The following NFIX variants were observed in gnomAD, a reference collection of about 807,000 sequenced individuals.
NFIX encodes nuclear factor 1 X-type.
Under a neutral mutation model 53.3 loss-of-function variants are expected in NFIX, and 2 were observed. The observed-to-expected ratio is 0.04, with a 90% CI of 0.02 to 0.12. The LOEUF (loss-of-function observed/expected upper bound fraction) is 0.12. Ranked by LOEUF, NFIX falls within the 10% of genes least tolerant of loss-of-function variation. NFIX has a pLI of 1.00. For synonymous variants in NFIX, 244 were observed against 289.0 expected, an observed-to-expected ratio of 0.84 and a Z score of 1.58; for missense variants, 310 against 674.5, an observed-to-expected ratio of 0.46 and a Z score of 5.99.
rs2018334898 is a variant in NFIX at position 13,094,701 on chromosome 19, G to A, written c.*52G>A. On this transcript the variant is annotated 3_prime_UTR_variant, in exon 11 of 11. Coordinates refer to ENST00000592199, the MANE Select transcript of NFIX (RefSeq NM_001365902.3). The surrounding 1 kb of genome is among the most constrained non-coding windows in gnomAD (Gnocchi z 4.3). ...TGAGAAGAAGAGGTTCCTCGAAAGG[G>A]GGGAGAAGAAATTTTGAGAATGGAA... 2.6e-6 allele frequency: 4 copies of A among 1,521,386 alleles called. No homozygotes were observed. The South Asian group carries it at 4.8e-5, about 18-fold the overall frequency. 94.2% of individuals were successfully genotyped at this position (1,521,386 alleles called of 1,614,324 possible).
In NFIX at chr19:13,060,077, C is replaced by T. The variant is rs1002743001; in HGVS notation, c.560-12970C>T. On this transcript the variant is annotated intron_variant, in intron 2 of 10. Transcript: ENST00000592199. The surrounding 1 kb of genome is among the most constrained non-coding windows in gnomAD (Gnocchi z 4.3). ...TGCTGAGATTACAGGCATGAGCCACCGCACCCGGCCAAGAGGAACGCTTTT... is the reference window on the plus strand; with the variant it reads ...TGCTGAGATTACAGGCATGAGCCACTGCACCCGGCCAAGAGGAACGCTTTT... Among the ~76,000 whole-genome samples the T allele has an allele frequency of 1.3e-5, 2 of 152,188 alleles. No homozygotes were observed. Among genetic ancestry groups the T allele is most frequent in the African/African-American group, 4.8e-5 (2 of 41,450 alleles).
intron 2 of NFIX, among the ~76,000 whole-genome samples, chr19:13,056,785 T>C (rs1006219765): frequency 3.3e-5 from 5 of 152,172 alleles, no homozygotes; most frequent in Admixed American, 1.3e-4. Flanking sequence ...TGTTCAAAAA[T>C]TAAGAATTTC....
chr19:13,001,260 G>C lies in NFIX; in HGVS notation c.27+5396G>C, dbSNP rs2011676261. ...GCCTCAGAGCCACCATTTTCCCGAG[G>C]ATGTCTGTGTGGCAGCGTGTGTCTG... On this transcript the variant is annotated intron_variant, in intron 1 of 10. Transcript: ENST00000592199. The surrounding 1 kb of genome is among the most constrained non-coding windows in gnomAD (Gnocchi z 6.5). Among the ~76,000 whole-genome samples, 1 of 152,186 alleles carries C rather than the reference G, an allele frequency of 6.6e-6. No homozygotes were observed. Among genetic ancestry groups the C allele is most frequent in the Non-Finnish European group, 1.5e-5 (1 of 68,040 alleles).
Position 13,081,597 on chromosome 19 carries a change from G to T in NFIX, c.1079-83G>T. 2 of 1,440,936 alleles carry T rather than the reference G, an allele frequency of 1.4e-6. No homozygotes were observed. The highest frequency in any genetic ancestry group is 2.4e-5 in the East Asian group (1 of 41,288). 89.3% of individuals were successfully genotyped at this position (1,440,936 alleles called of 1,614,324 possible). A position where few individuals can be genotyped will look rare whatever the true frequency, so the allele number is the denominator to read the frequency against. Reference sequence around the variant, plus strand: ...TCAGGATCCTCAGGACCCTCTGACCGGCAGCTCCCCTCCTCTCCTGTCCCT... The same window carrying T: ...TCAGGATCCTCAGGACCCTCTGACCTGCAGCTCCCCTCCTCTCCTGTCCCT... On this transcript the variant is annotated intron_variant, in intron 7 of 10. Coordinates refer to ENST00000592199, the MANE Select transcript of NFIX (RefSeq NM_001365902.3). This position sits in a 1 kb window ranked among gnomAD's most constrained non-coding sequence, Gnocchi z 4.7.
rs2017233444 is a variant in NFIX at position 13,078,284 on chromosome 19, C to CCA, written c.956-327_956-326dup. Among the ~76,000 whole-genome samples the CCA allele has an allele frequency of 1.3e-5, 2 of 152,222 alleles. No individual in the cohort carries two copies. Among genetic ancestry groups the CCA allele is most frequent in the South Asian group, 4.1e-4 (2 of 4,832 alleles). Reference sequence around the variant, plus strand: ...CCTTTCCCAATGTTGGTCCTGCATCCCACCCTTTCACTTCATTACCTGCTT... The same window carrying CCA: ...CCTTTCCCAATGTTGGTCCTGCATCCCACACCCTTTCACTTCATTACCTGCTT... On this transcript the variant is annotated intron_variant, in intron 6 of 10. Transcript: ENST00000592199. The surrounding 1 kb of genome is among the most constrained non-coding windows in gnomAD (Gnocchi z 4.7).
intron 8 of NFIX, chr19:13,082,210 T>C (rs1460258346): frequency 7.4e-6 from 2 of 270,366 alleles, no homozygotes; most frequent in Non-Finnish European, 1.4e-5. Flanking sequence ...ACCTCGGGGC[T>C]GCAAGGATTT....
At chr19:13,091,400 C>CAA (rs57370192) in intron 10 of NFIX, among the ~76,000 whole-genome samples, 1,775 of 57,114 alleles carry the variant, frequency 0.031, 58 homozygotes, top group African/African-American at 0.074. Context: ...TTCCTTCCCT[C>CAA]AAAAAAAAAA....
chr19:13,034,127 G>A lies in NFIX; in HGVS notation c.559+8575G>A, dbSNP rs146649966. ...ATCGCTGCTCCTTGAACTTCATCAGGATTACTGGCTTTGGCAGAGTCTCAG... is the reference window on the plus strand; with the variant it reads ...ATCGCTGCTCCTTGAACTTCATCAGAATTACTGGCTTTGGCAGAGTCTCAG... On this transcript the variant is annotated intron_variant, in intron 2 of 10. Transcript: ENST00000592199. 1.5e-3 allele frequency among the ~76,000 whole-genome samples: 228 copies of A among 152,344 alleles called. 1 individual carries two copies. The highest frequency in any genetic ancestry group is 6.8e-3 in the Middle Eastern group (2 of 294).
chr19:13,028,199 A>G lies in NFIX; in HGVS notation c.559+2647A>G, dbSNP rs556717466. On this transcript the variant is annotated intron_variant, in intron 2 of 10. Coordinates refer to ENST00000592199, the MANE Select transcript of NFIX (RefSeq NM_001365902.3). This position sits in a 1 kb window ranked among gnomAD's most constrained non-coding sequence, Gnocchi z 4.2. Reference sequence around the variant, plus strand: ...TGTGGGCACCACTTTCTCCATGCCCATGCCTGCCAGGCACACTCAGCAGAG... The same window carrying G: ...TGTGGGCACCACTTTCTCCATGCCCGTGCCTGCCAGGCACACTCAGCAGAG... Among the ~76,000 whole-genome samples, 20 of 152,356 alleles carry G rather than the reference A, an allele frequency of 1.3e-4. No individual in the cohort carries two copies. In the East Asian group the frequency reaches 3.9e-3, roughly 29 times the overall value.
At position 13,036,307 on chromosome 19, in the gene NFIX, T is replaced by C. The variant is rs967340228; in HGVS notation, c.559+10755T>C. Among the ~76,000 whole-genome samples, 1 of 152,250 alleles carries C rather than the reference T, an allele frequency of 6.6e-6. No individual in the cohort carries two copies. Among genetic ancestry groups the C allele is most frequent in the Non-Finnish European group, 1.5e-5 (1 of 68,042 alleles). ...AAGCGTCAGTCATGCTTCCAGGATT[T>C]ATTTCATCATAATTGTTTGTTTTGG... is the stretch of plus-strand genomic sequence containing the variant. On this transcript the variant is annotated intron_variant, in intron 2 of 10. Coordinates refer to ENST00000592199, the MANE Select transcript of NFIX (RefSeq NM_001365902.3). This position sits in a 1 kb window ranked among gnomAD's most constrained non-coding sequence, Gnocchi z 4.7.
intron 1 of NFIX, among the ~76,000 whole-genome samples, chr19:12,997,661 C>G (rs1027590492): frequency 2.0e-5 from 3 of 152,342 alleles, no homozygotes; most frequent in Non-Finnish European, 4.4e-5. Context: ...CTCAAGCAGC[C>G]CCTTGCCCAC....
intron 1 of NFIX, chr19:13,024,725 T>C (rs1209668187): frequency 6.5e-7 from 1 of 1,534,430 alleles, no homozygotes; most frequent in African/African-American, 1.4e-5. Context: ...TGTGTGTGAG[T>C]GAGTGAGGGA....
chr19:13,023,941 CCCCCCTCCCCCCACCCG>C, intron 1 of NFIX: 2 of 400,114 alleles, frequency 5.0e-6, no homozygotes, highest in African/African-American at 2.3e-5. Flanking sequence ...TCCTCCTCCT[CCCCCCTCCCCCCACCCG>C]CCCCCAACTC....
chr19:13,064,476 T>C (rs969344725), intron 2 of NFIX, among the ~76,000 whole-genome samples: 4 of 152,220 alleles, frequency 2.6e-5, no homozygotes, highest in Admixed American at 2.6e-4. Context: ...CCCCTGTTTC[T>C]AGTATGGTGA....
chr19:13,088,057 A>T lies in NFIX; in HGVS notation c.1323A>T (p.Arg441Ser). The T allele has an allele frequency of 6.5e-7, 1 of 1,536,186 alleles. No individual in the cohort carries two copies. The highest frequency in any genetic ancestry group is 1.2e-5 in the South Asian group (1 of 84,054). The change falls in exon 9 of 11, where the codon AGA becomes AGT. Residue 441 changes from arginine to serine, a missense_variant. Physicochemically the swap from Arg to Ser is moderately radical, Grantham distance 110. This residue lies in a region of NFIX where 35 missense variants were observed against 114.8 expected (regional missense o/e 0.30). Coordinates refer to ENST00000592199, the MANE Select transcript of NFIX (RefSeq NM_001365902.3). The surrounding 1 kb of genome is among the most constrained non-coding windows in gnomAD (Gnocchi z 5.9). ...FLLPPPPPVA[R>S]PVPLPMPDSK... ...TACCGCCGCCGCCTCCAGTGGCCAG[A>T]CCTGTGCCCCTTCCTATGCCTGATT...
At position 13,051,880 on chromosome 19, in the gene NFIX, G is replaced by C. The variant is rs976711751; in HGVS notation, c.560-21167G>C. ...GGCGGGGCGGCTCCCGGGAGCAGCC[G>C]GGCGGCTGCGGGAAGGCACTTCTTA... is the stretch of plus-strand genomic sequence containing the variant. On this transcript the variant is annotated intron_variant, in intron 2 of 10. Coordinates refer to ENST00000592199, the MANE Select transcript of NFIX (RefSeq NM_001365902.3). This position sits in a 1 kb window ranked among gnomAD's most constrained non-coding sequence, Gnocchi z 5.1. Among the ~76,000 whole-genome samples the C allele has an allele frequency of 6.6e-6, 1 of 151,954 alleles. No individual in the cohort carries two copies. The highest frequency in any genetic ancestry group is 1.5e-5 in the Non-Finnish European group (1 of 67,966).
chr19:13,037,564 T>A lies in NFIX; in HGVS notation c.559+12012T>A, dbSNP rs751735977. ...TTCATATAGGGTGGGGAAGAACTAGTCTTCATAGCCCTGAGCATAGAGGAG... is the reference window on the plus strand; with the variant it reads ...TTCATATAGGGTGGGGAAGAACTAGACTTCATAGCCCTGAGCATAGAGGAG... On this transcript the variant is annotated intron_variant, in intron 2 of 10. Coordinates refer to ENST00000592199, the MANE Select transcript of NFIX (RefSeq NM_001365902.3). This position sits in a 1 kb window ranked among gnomAD's most constrained non-coding sequence, Gnocchi z 4.2. 6.6e-6 allele frequency among the ~76,000 whole-genome samples: 1 copy of A among 152,092 alleles called. No homozygotes were observed. The highest frequency in any genetic ancestry group is 1.5e-5 in the Non-Finnish European group (1 of 67,986).
intron 2 of NFIX, among the ~76,000 whole-genome samples, chr19:13,048,918 C>CA (rs1428134965): frequency 6.6e-5 from 10 of 151,656 alleles, no homozygotes; most frequent in South Asian, 4.2e-4. Context: ...ACTAAAAATA[C>CA]AAAAAAAACA....
chr19:13,073,183 C>T lies in NFIX; in HGVS notation c.622+74C>T, dbSNP rs1047036304. On this transcript the variant is annotated intron_variant, in intron 3 of 10. Transcript: ENST00000592199. The surrounding 1 kb of genome is among the most constrained non-coding windows in gnomAD (Gnocchi z 4.5). ...ACTTCCTTCCCCCACCCTGGCTGCC[C>T]TGGCCACCCTCACTTCTTCCCCTTC... 5 of 1,409,630 alleles carry T rather than the reference C, an allele frequency of 3.5e-6. No individual in the cohort carries two copies. Among genetic ancestry groups the T allele is most frequent in the Non-Finnish European group, 5.0e-6 (5 of 994,038 alleles). The allele number at this position is 1,409,630 out of a possible 1,614,324, so 87.3% of individuals were successfully genotyped here. A position where few individuals can be genotyped will look rare whatever the true frequency, so the allele number is the denominator to read the frequency against.
Sources: gnomAD v4.1 joint callset for allele counts (sites outside exome capture counted in the v4.1 genomes callset) on GRCh38, gnomAD v4.1.1 for gene constraint, gnomAD v4.1.1 regional missense constraint, Gnocchi (gnomAD v3.1) non-coding constraint, MANE v1.5 for transcripts, NCBI Gene and HGNC (gene_info 2026-07-23, HGNC 2026-07-21) for gene names.